Variants in SEC24B observed in about 807,000 individuals in gnomAD.
SEC24B encodes the protein protein transport protein Sec24B.
In SEC24B, 45 loss-of-function variants were observed where a neutral mutation model predicts 142.8. The observed-to-expected ratio is 0.32, with a 90% CI of 0.25 to 0.40. The LOEUF (loss-of-function observed/expected upper bound fraction) is 0.40. Among genes scored for constraint, SEC24B ranks in the 10% least tolerant of loss-of-function variants. SEC24B has a pLI of 1.00. For missense variants in SEC24B, 1,409 were observed against 1,526.8 expected, an observed-to-expected ratio of 0.92 and a Z score of 1.29; for synonymous variants, 574 against 568.2, an observed-to-expected ratio of 1.01 and a Z score of -0.15.
At chr4:109,486,825 A>G (rs554605058) in intron 4 of SEC24B, among the ~76,000 whole-genome samples, 1 of 152,296 alleles carries the variant, frequency 6.6e-6, no homozygotes, top group Admixed American at 6.5e-5. Context: ...GCCATCAAAT[A>G]CGTATAATAT....
chr4:109,520,973 C>A, intron 12 of SEC24B, 144 bp from the exon 13 acceptor site: 1 of 554,018 alleles, frequency 1.8e-6, no homozygotes, highest in South Asian at 1.9e-5. Flanking sequence ...GCCTGGGCAA[C>A]AAGAGCAAAA....
In SEC24B at chr4:109,513,926, G is replaced by T; in HGVS notation, c.2013+70G>T. 3 of 994,618 alleles carry T rather than the reference G, an allele frequency of 3.0e-6. No homozygotes were observed. The South Asian group carries it at 4.0e-5, about 13-fold the overall frequency. The allele number at this position is 994,618 out of a possible 1,614,324, so 61.6% of individuals were successfully genotyped here. ...GGTCATTTGTAATTTTCTGTTAAGT[G>T]AACTCTTATCGAGATTTTGAAGTTG... On this transcript the variant is annotated intron_variant, in intron 10 of 23. Transcript: ENST00000265175.
intron 5 of SEC24B, among the ~76,000 whole-genome samples, chr4:109,493,052 C>T (rs1275237734): frequency 1.3e-5 from 2 of 151,858 alleles, no homozygotes; most frequent in African/African-American, 4.8e-5. Flanking sequence ...ATGCTGATAA[C>T]TTGTCATGTT....
chr4:109,441,835 G>A (rs1007529068), intron 1 of SEC24B, among the ~76,000 whole-genome samples: 29 of 152,194 alleles, frequency 1.9e-4, no homozygotes, highest in Non-Finnish European at 3.8e-4. Flanking sequence ...TGTTTACATA[G>A]CCTGTGTCTG....
At position 109,441,374 on chromosome 4, in the gene SEC24B, A is replaced by T. The variant is rs180686133; in HGVS notation, c.133+7372A>T. ...AATTGTTTGAGAAGCATATCAGATT[A>T]TATGTAGAAAAGCAAGGTATCTGGC... On this transcript the variant is annotated intron_variant, in intron 1 of 23. Transcript: ENST00000265175. Among the ~76,000 whole-genome samples the T allele has an allele frequency of 2.6e-3, 403 of 152,340 alleles. 2 individuals are homozygous for T. The highest frequency in any genetic ancestry group is 9.2e-3 in the African/African-American group (381 of 41,580).
At chr4:109,453,070 C>T (rs116529700) in intron 1 of SEC24B, among the ~76,000 whole-genome samples, 2,242 of 152,146 alleles carry the variant, frequency 0.015, 38 homozygotes, top group African/African-American at 0.038. Flanking sequence ...CTGTGATGCC[C>T]CCTGAACCCT....
chr4:109,442,044 C>A (rs1368124855), intron 1 of SEC24B, among the ~76,000 whole-genome samples: 3 of 152,102 alleles, frequency 2.0e-5, no homozygotes, highest in African/African-American at 7.2e-5. Flanking sequence ...TTTGAAATCA[C>A]CAAGGTTTGT....
intron 1 of SEC24B, among the ~76,000 whole-genome samples, chr4:109,443,430 C>G (rs1193585556): frequency 6.6e-6 from 1 of 152,018 alleles, no homozygotes; most frequent in Non-Finnish European, 1.5e-5. Context: ...ATTTTAGAGA[C>G]GAGATCTCAC....
chr4:109,448,004 G>A (rs1044646270), intron 1 of SEC24B, among the ~76,000 whole-genome samples: 1 of 152,196 alleles, frequency 6.6e-6, no homozygotes, highest in African/African-American at 2.4e-5. Flanking sequence ...GCATCTGTCT[G>A]AGAATTCTTC....
At chr4:109,535,450 G>A (rs1440223784) in intron 22 of SEC24B, among the ~76,000 whole-genome samples, 1 of 152,024 alleles carries the variant, frequency 6.6e-6, no homozygotes, top group Non-Finnish European at 1.5e-5. Flanking sequence ...CAGCTACTCG[G>A]GAGGCTGAAG....
chr4:109,477,115 C>T (rs961790476), intron 3 of SEC24B, among the ~76,000 whole-genome samples: 3 of 124,166 alleles, frequency 2.4e-5, no homozygotes, highest in East Asian at 4.7e-4. Context: ...CCAGCCTGGG[C>T]GACAGAGCGA....
At chr4:109,516,116 G>T (rs545271449) in intron 10 of SEC24B, among the ~76,000 whole-genome samples, 37 of 152,238 alleles carry the variant, frequency 2.4e-4, no homozygotes, top group African/African-American at 8.7e-4. Flanking sequence ...TAAACATTAG[G>T]ATTCAGTCAC....
intron 1 of SEC24B, among the ~76,000 whole-genome samples, chr4:109,459,105 G>T (rs1323244699): frequency 6.6e-6 from 1 of 152,148 alleles, no homozygotes; most frequent in African/African-American, 2.4e-5. Flanking sequence ...AATGCACTGT[G>T]TTGCTCTACT....
Position 109,445,242 on chromosome 4 carries a change from GTTTTT to G in SEC24B, c.133+11255_133+11259del, listed in dbSNP as rs70949078. Among the ~76,000 whole-genome samples, 184 of 112,758 alleles carry G rather than the reference GTTTTT, an allele frequency of 1.6e-3. 3 individuals carry two copies. The East Asian group carries it at 0.037, about 23-fold the overall frequency. The allele number at this position is 112,758 out of a possible 152,430, so 74.0% of individuals were successfully genotyped here. A position where few individuals can be genotyped will look rare whatever the true frequency, so the allele number is the denominator to read the frequency against. ...TTTTTAGTTTTTTCTTTCTTTCTTT[GTTTTT>G]TTTTTTTTTTTTTTGAGACGGAGTC... On this transcript the variant is annotated intron_variant, in intron 1 of 23. Transcript: ENST00000265175.
chr4:109,477,217 C>T (rs1227359276), intron 3 of SEC24B, among the ~76,000 whole-genome samples: 1 of 151,116 alleles, frequency 6.6e-6, no homozygotes, highest in Non-Finnish European at 1.5e-5. Context: ...CACCTTTTGC[C>T]TTCAAACTCA....
In SEC24B at chr4:109,463,074, A is replaced by T; in HGVS notation, c.307A>T (p.Thr103Ser). ...ALYTVPTQNV[T>S]PNTVNQQPGA... The stretch of plus-strand genomic sequence containing the variant: ...CTATACAGTACCAACACAAAATGTG[A>T]CTCCTAACACAGTGAACCAGCAACC... The change falls in exon 2 of 24, where the codon ACT (threonine) becomes TCT (serine). Residue 103 changes from threonine to serine, a missense_variant. Physicochemically the swap from Thr to Ser is moderately conservative, Grantham distance 58 (BLOSUM62 1). This residue lies in a region of SEC24B where 709 missense variants were observed against 673.5 expected (regional missense o/e 1.05). Coordinates refer to ENST00000265175, the MANE Select transcript of SEC24B (RefSeq NM_006323.5). The T allele has an allele frequency of 9.3e-6, 15 of 1,614,092 alleles. No homozygotes were observed. Among genetic ancestry groups the T allele is most frequent in the Non-Finnish European group, 1.3e-5 (15 of 1,180,012 alleles).
intron 6 of SEC24B, among the ~76,000 whole-genome samples, chr4:109,503,832 C>G (rs557079988): frequency 1.3e-5 from 2 of 151,782 alleles, no homozygotes; most frequent in Non-Finnish European, 1.5e-5. Context: ...GTAAATAAGT[C>G]TCATTCTCTC....
chr4:109,478,285 TA>T (rs10616592), intron 3 of SEC24B, among the ~76,000 whole-genome samples: 23,119 of 141,938 alleles, frequency 0.16, 1,821 homozygotes, highest in Middle Eastern at 0.22. Context: ...GACTCTGTCT[TA>T]AAAAAAAAAA....
At chr4:109,452,735 G>A (rs1471511261) in intron 1 of SEC24B, among the ~76,000 whole-genome samples, 1 of 152,082 alleles carries the variant, frequency 6.6e-6, no homozygotes, top group Non-Finnish European at 1.5e-5. Context: ...TGGTTGGGTT[G>A]TCTATTTTTT....
Sources: gnomAD v4.1 joint callset for allele counts (sites outside exome capture counted in the v4.1 genomes callset) on GRCh38, gnomAD v4.1.1 for gene constraint, gnomAD v4.1.1 regional missense constraint, MANE v1.5 for transcripts, NCBI Gene and HGNC (gene_info 2026-07-23, HGNC 2026-07-21) for gene names.